Variants in IQCJ observed in about 807,000 individuals in gnomAD.
IQCJ encodes the protein IQ motif containing J.
A neutral mutation model predicts 11.0 loss-of-function variants in IQCJ; 9 were observed. That is an observed-to-expected ratio of 0.82 (90% CI 0.49 to 1.43). The LOEUF is 1.43. Ranked by LOEUF, IQCJ falls within the 40% of genes most tolerant of loss-of-function variation. The pLI, the probability that IQCJ is intolerant of heterozygous loss-of-function variation, is 0.00. For synonymous variants in IQCJ, 55 were observed against 51.3 expected (o/e 1.07, Z -0.31); for missense variants, 146 against 133.2 (o/e 1.10, Z -0.47).
intron 1 of IQCJ, among the ~76,000 whole-genome samples, chr3:159,173,930 T>C (rs566355341): frequency 1.3e-5 from 2 of 152,266 alleles, no homozygotes; most frequent in African/African-American, 4.8e-5. Flanking sequence ...ATTAGACATA[T>C]CTGGAAACTT....
At chr3:159,151,612 CA>C (rs1258783285) in intron 1 of IQCJ, among the ~76,000 whole-genome samples, 11 of 152,086 alleles carry the variant, frequency 7.2e-5, no homozygotes, top group Non-Finnish European at 1.2e-4. Context: ...AAAACAAAAA[CA>C]AAAAAACAAA....
chr3:159,069,374 C>T lies in IQCJ; in HGVS notation c.-59C>T, dbSNP rs527399023. 2.5e-6 allele frequency: 4 copies of T among 1,584,358 alleles called. No individual in the cohort carries two copies. The highest frequency in any genetic ancestry group is 4.5e-5 in the East Asian group (2 of 44,612). On this transcript the variant is annotated 5_prime_UTR_variant, in exon 1 of 4. Coordinates refer to ENST00000397832, the MANE Select transcript of IQCJ (RefSeq NM_001042706.3). ...TTGCGCTCTGTGATTCTGAGGAATA[C>T]AGTGTGCCAGCATCCGATCCAGTCT... is the stretch of plus-strand genomic sequence containing the variant.
chr3:159,069,969 A>G (rs1715453887), intron 1 of IQCJ: 1 of 255,622 alleles, frequency 3.9e-6, no homozygotes, highest in Non-Finnish European at 8.0e-6. Flanking sequence ...TTTCTACCCC[A>G]TGTTACCTGC....
chr3:159,241,184 C>A (rs1042757738), intron 1 of IQCJ, among the ~76,000 whole-genome samples: 1 of 151,642 alleles, frequency 6.6e-6, no homozygotes, highest in Non-Finnish European at 1.5e-5. Context: ...CCGAGGCAGG[C>A]GGATCATGAG....
intron 1 of IQCJ, among the ~76,000 whole-genome samples, chr3:159,188,438 A>G (rs912685759): frequency 5.9e-5 from 9 of 152,116 alleles, no homozygotes; most frequent in African/African-American, 2.2e-4. Context: ...AACAACAAAA[A>G]ACAAAAAAAC....
chr3:159,238,824 TG>T (rs1726743939), intron 1 of IQCJ, among the ~76,000 whole-genome samples: 1 of 152,074 alleles, frequency 6.6e-6, no homozygotes, highest in South Asian at 2.1e-4. Flanking sequence ...ATCATTTGAC[TG>T]GGCTCAGAGA....
intron 1 of IQCJ, among the ~76,000 whole-genome samples, chr3:159,212,653 A>G (rs1725018083): frequency 6.6e-6 from 1 of 152,178 alleles, no homozygotes; most frequent in Non-Finnish European, 1.5e-5. Context: ...GGTCTCACAG[A>G]TTTCTACAGC....
intron 1 of IQCJ, among the ~76,000 whole-genome samples, chr3:159,199,511 TA>T (rs1376620612): frequency 6.6e-6 from 1 of 152,184 alleles, no homozygotes; most frequent in Non-Finnish European, 1.5e-5. Flanking sequence ...TGTAAAAGAA[TA>T]AATTTGTGTT....
rs548368654 is a variant in IQCJ, at chr3:159,162,130, C to T, written c.10-83713C>T. Among the ~76,000 whole-genome samples, 37 of 152,260 alleles carry T rather than the reference C, an allele frequency of 2.4e-4. 1 individual carries two copies. The East Asian group carries it at 6.9e-3, about 29-fold the overall frequency. On this transcript the variant is annotated intron_variant, in intron 1 of 3. Transcript: ENST00000397832. ...TGTAAATTACCTTGGGCAGTATGGC[C>T]ATTTTCACAATATTGATTCTTCCTA...
intron 1 of IQCJ, among the ~76,000 whole-genome samples, chr3:159,143,827 C>A (rs980669883): frequency 6.6e-6 from 1 of 152,166 alleles, no homozygotes; most frequent in Non-Finnish European, 1.5e-5. Flanking sequence ...TTATAAAGAA[C>A]AGAAATTTAT....
intron 1 of IQCJ, among the ~76,000 whole-genome samples, chr3:159,240,925 A>G (rs1726881368): frequency 6.6e-6 from 1 of 152,156 alleles, no homozygotes; most frequent in South Asian, 2.1e-4. Context: ...ATTTTAAAAG[A>G]CATGGCCAAA....
chr3:159,083,462 T>C (rs1368452332), intron 1 of IQCJ, among the ~76,000 whole-genome samples: 1 of 152,094 alleles, frequency 6.6e-6, no homozygotes, highest in Non-Finnish European at 1.5e-5. Flanking sequence ...AGTGATAACA[T>C]CAAATGCTGA....
intron 1 of IQCJ, among the ~76,000 whole-genome samples, chr3:159,092,724 A>ACACACACACACACACACC (rs1290957760): frequency 6.6e-6 from 1 of 151,146 alleles, no homozygotes; most frequent in Non-Finnish European, 1.5e-5. Flanking sequence ...ACACACACAC[A>ACACACACACACACACACC]CACACACCAT....
chr3:159,233,849 G>A (rs1311239269), intron 1 of IQCJ, among the ~76,000 whole-genome samples: 1 of 152,178 alleles, frequency 6.6e-6, no homozygotes, highest in Non-Finnish European at 1.5e-5. Context: ...TCCCCACATA[G>A]TATTGTATAG....
chr3:159,256,724 A>G (rs1273879836), intron 3 of IQCJ, among the ~76,000 whole-genome samples: 1 of 152,252 alleles, frequency 6.6e-6, no homozygotes, highest in Non-Finnish European at 1.5e-5. Flanking sequence ...CCATGCAAAC[A>G]TACCTTTTTC....
intron 1 of IQCJ, among the ~76,000 whole-genome samples, chr3:159,095,315 T>A (rs1462777938): frequency 6.6e-6 from 1 of 151,832 alleles, no homozygotes; most frequent in Admixed American, 6.5e-5. Flanking sequence ...AGCTGCTTAT[T>A]TTTGGAATAT....
chr3:159,072,745 C>A (rs1271392533), intron 1 of IQCJ, among the ~76,000 whole-genome samples: 1 of 151,964 alleles, frequency 6.6e-6, no homozygotes, highest in Non-Finnish European at 1.5e-5. Flanking sequence ...CTATTAATAT[C>A]CACATTCTAC....
At chr3:159,242,913 A>G (rs929866787) in intron 1 of IQCJ, among the ~76,000 whole-genome samples, 23 of 152,324 alleles carry the variant, frequency 1.5e-4, no homozygotes, top group African/African-American at 5.3e-4. Flanking sequence ...ACATCTGACA[A>G]AAGAGTTGTA....
intron 1 of IQCJ, among the ~76,000 whole-genome samples, chr3:159,175,754 T>C (rs1265452579): frequency 6.6e-6 from 1 of 152,210 alleles, no homozygotes; most frequent in Non-Finnish European, 1.5e-5. Context: ...GAAATTTGGT[T>C]TGGTTCCAGT....
Sources: allele counts gnomAD v4.1 joint callset (sites outside exome capture counted in the v4.1 genomes callset), GRCh38; gene constraint gnomAD v4.1.1; transcripts MANE v1.5; gene names NCBI Gene and HGNC (gene_info 2026-07-23, HGNC 2026-07-21).